The following TRIQK variants were observed in gnomAD, a reference collection of about 807,000 sequenced individuals.
TRIQK encodes triple QxxK/R motif-containing protein.
Under a neutral mutation model 10.8 loss-of-function variants are expected in TRIQK, and 10 were observed. The ratio of observed to expected loss-of-function variants is 0.92; its 90% CI spans 0.57 to 1.57. TRIQK has a LOEUF of 1.57. TRIQK is among the 40% of genes most tolerant of loss of function. The probability of loss-of-function intolerance (pLI) is 0.00; values close to 1 mark genes in which losing one functional copy is unlikely to be tolerated. For missense variants in TRIQK, 107 were observed against 97.7 expected (o/e 1.09, Z -0.40); for synonymous variants, 33 against 33.7 (o/e 0.98, Z 0.07).
intron 1 of TRIQK, among the ~76,000 whole-genome samples, chr8:92,994,014 A>G (rs1813124439): frequency 6.6e-6 from 1 of 152,192 alleles, no homozygotes; most frequent in East Asian, 1.9e-4. Context: ...ACCAGAAAGG[A>G]ACCACAAAGA....
At chr8:92,926,242 T>C (rs999103465) in intron 2 of TRIQK, 2 of 152,094 alleles carry the variant, frequency 1.3e-5, no homozygotes, top group Non-Finnish European at 2.9e-5. Flanking sequence ...GAAACCATGA[T>C]GTCTCTGTAC....
At chr8:93,005,600 C>G (rs183243349) in intron 1 of TRIQK, among the ~76,000 whole-genome samples, 1 of 152,296 alleles carries the variant, frequency 6.6e-6, no homozygotes, top group Admixed American at 6.5e-5. Context: ...TTTAACAAAA[C>G]TCAACATCCC....
intron 1 of TRIQK, among the ~76,000 whole-genome samples, chr8:92,960,972 C>T (rs1246732971): frequency 6.6e-6 from 1 of 152,178 alleles, no homozygotes; most frequent in Non-Finnish European, 1.5e-5. Context: ...CTCTCTGACA[C>T]TTCATCACTG....
At chr8:93,004,277 A>T (rs1331531597) in intron 1 of TRIQK, among the ~76,000 whole-genome samples, 1 of 152,118 alleles carries the variant, frequency 6.6e-6, no homozygotes, top group Non-Finnish European at 1.5e-5. Context: ...TGGTCCAAAC[A>T]CCACATGGAA....
At chr8:92,887,247 A>C (rs2130227642) in intron 4 of TRIQK, among the ~76,000 whole-genome samples, 1 of 151,544 alleles carries the variant, frequency 6.6e-6, no homozygotes, top group Middle Eastern at 3.4e-3. Flanking sequence ...ATACATACTC[A>C]TTAAATGTGA....
At chr8:92,973,347 A>ATGAT in intron 1 of TRIQK, 1 of 152,344 alleles carries the variant, frequency 6.6e-6, no homozygotes, top group South Asian at 2.1e-4. Context: ...GGTGAACAGT[A>ATGAT]GCAATCACAC....
chr8:92,939,534 G>T (rs1811165376), intron 2 of TRIQK, among the ~76,000 whole-genome samples: 1 of 152,068 alleles, frequency 6.6e-6, no homozygotes, highest in South Asian at 2.1e-4. Flanking sequence ...GCCCAGGAAG[G>T]TAAGCAATGG....
chr8:92,998,615 A>G (rs1813176823), intron 1 of TRIQK, among the ~76,000 whole-genome samples: 1 of 152,092 alleles, frequency 6.6e-6, no homozygotes. Context: ...GTAGGTAAGT[A>G]TGTAATTACA....
At chr8:92,985,346 A>T (rs988978392) in intron 1 of TRIQK, among the ~76,000 whole-genome samples, 3 of 152,082 alleles carry the variant, frequency 2.0e-5, no homozygotes, top group Admixed American at 1.3e-4. Context: ...GGCTATGGAA[A>T]CTTCTCCTTT....
At chr8:92,924,860 T>C (rs1810367235) in intron 2 of TRIQK, among the ~76,000 whole-genome samples, 1 of 152,008 alleles carries the variant, frequency 6.6e-6, no homozygotes, top group African/African-American at 2.4e-5. Flanking sequence ...TGTATAAAAC[T>C]GGAGAGCTAA....
intron 1 of TRIQK, among the ~76,000 whole-genome samples, chr8:93,003,963 G>T (rs140547617): frequency 6.6e-6 from 1 of 152,220 alleles, no homozygotes; most frequent in African/African-American, 2.4e-5. Flanking sequence ...GGCTTGCAGG[G>T]TGCAGCCCCC....
chr8:92,952,085 A>G (rs991253139), intron 2 of TRIQK, among the ~76,000 whole-genome samples: 3 of 152,080 alleles, frequency 2.0e-5, no homozygotes, highest in African/African-American at 7.2e-5. Context: ...AAAGGGAAAA[A>G]AAAAAACACA....
chr8:92,897,202 C>T (rs545069193), intron 3 of TRIQK, among the ~76,000 whole-genome samples: 302 of 152,202 alleles, frequency 2.0e-3, no homozygotes, highest in Non-Finnish European at 3.6e-3. Context: ...CGAATGATGC[C>T]TTGAGTCTTA....
At chr8:92,896,510 A>G (rs549701485) in intron 3 of TRIQK, among the ~76,000 whole-genome samples, 12 of 152,270 alleles carry the variant, frequency 7.9e-5, no homozygotes, top group African/African-American at 2.6e-4. Context: ...CCAGTGTGCA[A>G]TTACAGTCTG....
At chr8:92,899,958 A>T (rs1300233973) in intron 3 of TRIQK, among the ~76,000 whole-genome samples, 1 of 152,052 alleles carries the variant, frequency 6.6e-6, no homozygotes, top group Non-Finnish European at 1.5e-5. Flanking sequence ...CTGAGGTGAG[A>T]TGATATTTCA....
At chr8:92,951,465 G>C (rs1315827428) in intron 2 of TRIQK, among the ~76,000 whole-genome samples, 1 of 152,022 alleles carries the variant, frequency 6.6e-6, no homozygotes, top group Non-Finnish European at 1.5e-5. Flanking sequence ...ACCCGTGAGA[G>C]GAAATCGTCA....
chr8:93,011,518 A>C (rs1813334930), intron 1 of TRIQK, among the ~76,000 whole-genome samples: 1 of 152,082 alleles, frequency 6.6e-6, no homozygotes, highest in Admixed American at 6.5e-5. Flanking sequence ...CACACAACTT[A>C]TTTCTTTTAA....
chr8:92,883,695 G>A lies in TRIQK; in HGVS notation c.*2927C>T, dbSNP rs1816324701. 1.3e-5 allele frequency: 2 copies of A among 151,696 alleles called. No homozygotes were observed. The highest frequency in any genetic ancestry group is 4.8e-5 in the African/African-American group (2 of 41,360). 9.4% of individuals were successfully genotyped at this position (151,696 alleles called of 1,614,324 possible). A position where few individuals can be genotyped will look rare whatever the true frequency, so the allele number is the denominator to read the frequency against. ...AGATGACTACACTACTGCAATTACA[G>A]AAATGAGTAAGAACATACTCTCAAG... On this transcript the variant is annotated 3_prime_UTR_variant, in exon 5 of 5. Coordinates refer to ENST00000521988, the MANE Select transcript of TRIQK (RefSeq NM_001171797.2).
At chr8:92,903,966 T>C (rs753270668) in intron 3 of TRIQK, among the ~76,000 whole-genome samples, 4 of 152,078 alleles carry the variant, frequency 2.6e-5, no homozygotes, top group Non-Finnish European at 4.4e-5. Context: ...TTGTTTTAGA[T>C]ATGGCAGTCA....
Sources: allele counts gnomAD v4.1 joint callset (sites outside exome capture counted in the v4.1 genomes callset), GRCh38; gene constraint gnomAD v4.1.1; transcripts MANE v1.5; gene names NCBI Gene and HGNC (gene_info 2026-07-23, HGNC 2026-07-21).